The following CYP4X1 variants were observed in gnomAD, a reference collection of about 807,000 sequenced individuals.
The protein encoded by CYP4X1 is cytochrome P450 4X1.
A neutral mutation model predicts 57.9 loss-of-function variants in CYP4X1; 44 were observed. The ratio of observed to expected loss-of-function variants is 0.76; its 90% CI spans 0.60 to 0.98. The LOEUF is 0.98. Among genes scored for constraint, CYP4X1 ranks in the 50% least tolerant of loss-of-function variants. The pLI, the probability that CYP4X1 is intolerant of heterozygous loss-of-function variation, is 0.00. For synonymous variants in CYP4X1, 227 were observed against 228.6 expected (o/e 0.99, Z 0.06); for missense variants, 532 against 623.9 (o/e 0.85, Z 1.57).
At chr1:47,008,778 C>G in the CYP4X1 span, among the ~76,000 whole-genome samples, 281 of 152,196 alleles carry the variant, frequency 1.8e-3, no homozygotes, top group African/African-American at 6.6e-3. Context: ...ATCCTAGTCT[C>G]TGATAAAACA....
the CYP4X1 span, among the ~76,000 whole-genome samples, chr1:46,981,855 C>T: frequency 6.6e-6 from 1 of 152,144 alleles, no homozygotes; most frequent in Admixed American, 6.6e-5. Flanking sequence ...AGCTGGCAAC[C>T]ATCATTCTGC....
the CYP4X1 span, among the ~76,000 whole-genome samples, chr1:46,979,631 G>C: frequency 3.9e-5 from 6 of 152,106 alleles, no homozygotes; most frequent in African/African-American, 1.2e-4. Flanking sequence ...ATTTTATGAG[G>C]CCAGCATCAT....
At chr1:46,971,226 C>T in the CYP4X1 span, among the ~76,000 whole-genome samples, 1 of 152,172 alleles carries the variant, frequency 6.6e-6, no homozygotes, top group Non-Finnish European at 1.5e-5. Flanking sequence ...CCTCCTGCTC[C>T]ATCCATGTTG....
At chr1:46,997,661 C>T in the CYP4X1 span, among the ~76,000 whole-genome samples, 1 of 152,138 alleles carries the variant, frequency 6.6e-6, no homozygotes, top group Non-Finnish European at 1.5e-5. Context: ...AGAGTGCTGC[C>T]GTAAACATAC....
chr1:46,994,994 T>C, the CYP4X1 span, among the ~76,000 whole-genome samples: 1 of 152,242 alleles, frequency 6.6e-6, no homozygotes, highest in South Asian at 2.1e-4. Flanking sequence ...CAAAGATGGA[T>C]TAGACTCTTT....
chr1:47,015,795 C>T, the CYP4X1 span, among the ~76,000 whole-genome samples: 6 of 152,108 alleles, frequency 3.9e-5, 1 homozygote, highest in African/African-American at 1.4e-4. Context: ...CTGTACCTCG[C>T]CCCTTCTGGC....
chr1:47,022,279 CTGTCT>C (rs1644005559), upstream of CYP4X1, among the ~76,000 whole-genome samples: 14 of 142,356 alleles, frequency 9.8e-5, no homozygotes, highest in South Asian at 3.1e-3. Context: ...CCCCTGGGGC[CTGTCT>C]TTTTTTTTTT....
chr1:46,990,897 T>C, the CYP4X1 span, among the ~76,000 whole-genome samples: 2 of 151,798 alleles, frequency 1.3e-5, no homozygotes, highest in South Asian at 4.2e-4. Context: ...CTGGGGCCTG[T>C]TGGGGGCGGG....
the CYP4X1 span, among the ~76,000 whole-genome samples, chr1:47,015,238 T>G: frequency 1.3e-5 from 2 of 152,190 alleles, no homozygotes; most frequent in African/African-American, 4.8e-5. Context: ...GTTCTATGCT[T>G]CCTTACTGAA....
intron 4 of CYP4X1, among the ~76,000 whole-genome samples, chr1:47,034,085 A>G (rs1270897262): frequency 1.3e-5 from 2 of 152,222 alleles, no homozygotes; most frequent in Non-Finnish European, 2.9e-5. Context: ...CAGCTATAAC[A>G]GCTTCAGATT....
chr1:47,004,031 T>C, the CYP4X1 span, among the ~76,000 whole-genome samples: 1 of 152,136 alleles, frequency 6.6e-6, no homozygotes, highest in Non-Finnish European at 1.5e-5. Flanking sequence ...TGGAAACACT[T>C]CAGCTATGCT....
At chr1:47,054,131 A>G (rs577330824), downstream of CYP4X1, among the ~76,000 whole-genome samples, 110 of 151,598 alleles carry the variant, frequency 7.3e-4, no homozygotes, top group African/African-American at 2.3e-3. Flanking sequence ...TCAGCTTTCT[A>G]CATATGGCTA....
the CYP4X1 span, among the ~76,000 whole-genome samples, chr1:46,970,752 A>G: frequency 6.6e-6 from 1 of 152,200 alleles, no homozygotes; most frequent in Non-Finnish European, 1.5e-5. Flanking sequence ...GCTAACCAAG[A>G]CAGCAACAAT....
the CYP4X1 span, among the ~76,000 whole-genome samples, chr1:46,976,239 C>CTA: frequency 9.2e-5 from 14 of 152,228 alleles, no homozygotes; most frequent in African/African-American, 3.1e-4. Flanking sequence ...GGGACACTGC[C>CTA]ACCTAAATAC....
the CYP4X1 span, among the ~76,000 whole-genome samples, chr1:46,980,633 A>C: frequency 2.6e-5 from 4 of 152,262 alleles, no homozygotes; most frequent in African/African-American, 9.6e-5. Context: ...AAGCTACTTT[A>C]AAGTTCATAT....
chr1:47,012,388 T>A, the CYP4X1 span, among the ~76,000 whole-genome samples: 1 of 152,012 alleles, frequency 6.6e-6, no homozygotes, highest in Non-Finnish European at 1.5e-5. Context: ...GTGGGGAACA[T>A]CGCACACCAG....
upstream of CYP4X1, among the ~76,000 whole-genome samples, chr1:47,022,487 C>T (rs745890375): frequency 9.2e-5 from 14 of 151,964 alleles, no homozygotes; most frequent in Non-Finnish European, 1.6e-4. Flanking sequence ...GATGGGGTTT[C>T]ACCATCTTGG....
At chr1:46,970,166 G>T in the CYP4X1 span, among the ~76,000 whole-genome samples, 4 of 152,102 alleles carry the variant, frequency 2.6e-5, no homozygotes, top group South Asian at 4.2e-4. Flanking sequence ...TAATATTTTT[G>T]AAAATTGAGA....
At chr1:46,967,809 C>T in the CYP4X1 span, 1 of 1,359,268 alleles carries the variant, frequency 7.4e-7, no homozygotes, top group Non-Finnish European at 9.7e-7. Flanking sequence ...CAAAGCGGAG[C>T]AGGGTCAGGG....
Sources: gnomAD v4.1 joint callset for allele counts (sites outside exome capture counted in the v4.1 genomes callset) on GRCh38, gnomAD v4.1.1 for gene constraint, MANE v1.5 for transcripts, NCBI Gene and HGNC (gene_info 2026-07-23, HGNC 2026-07-21) for gene names.